BICD2: variants seen among roughly 807,000 people sequenced by gnomAD.
BICD2 encodes the protein protein bicaudal D homolog 2.
A neutral mutation model predicts 72.9 loss-of-function variants in BICD2; 25 were observed. The ratio of observed to expected loss-of-function variants is 0.34; its 90% CI spans 0.25 to 0.48. The LOEUF (loss-of-function observed/expected upper bound fraction) is 0.48, where lower values mean the gene tolerates loss of function less well. BICD2 is among the 20% of genes least tolerant of loss of function. BICD2 has a pLI of 0.99. For synonymous variants in BICD2, 501 were observed against 516.1 expected (o/e 0.97, Z 0.40); for missense variants, 894 against 1,175.2 (o/e 0.76, Z 3.50).
intron 6 of BICD2, among the ~76,000 whole-genome samples, chr9:92,716,188 C>T (rs1436384220): frequency 6.6e-6 from 1 of 152,162 alleles, no homozygotes; most frequent in East Asian, 1.9e-4. Flanking sequence ...ACGCACCCTA[C>T]TCTGCCTGTC....
rs1031701616 is a variant in BICD2, at chr9:92,764,192, C to T, written c.240+313G>A. 6.6e-6 allele frequency among the ~76,000 whole-genome samples: 1 copy of T among 152,024 alleles called. No homozygotes were observed. The highest frequency in any genetic ancestry group is 1.5e-5 in the Non-Finnish European group (1 of 67,966). ...TCAGACACACCCGGAACAGCGACCA[C>T]CGCAAAGCATCAGCCCTTACGAAGC... On this transcript the variant is annotated intron_variant, in intron 1 of 6. Coordinates refer to ENST00000356884, the MANE Select transcript of BICD2 (RefSeq NM_001003800.2). The surrounding 1 kb of genome is among the most constrained non-coding windows in gnomAD (Gnocchi z 5.5).
At position 92,729,239 on chromosome 9, in the gene BICD2, G is replaced by A; in HGVS notation, c.241-3C>T. The A allele has an allele frequency of 6.2e-7, 1 of 1,613,980 alleles. No individual in the cohort carries two copies. The highest frequency in any genetic ancestry group is 8.5e-7 in the Non-Finnish European group (1 of 1,179,978). ...TTTGTGTGTGCTTGTCCAAAGGCCT[G>A]CATCAGAAGACAAGACACTCGTGAG... On this transcript the variant is annotated splice_polypyrimidine_tract_variant and splice_region_variant and intron_variant, in intron 1 of 6. Transcript: ENST00000356884.
intron 6 of BICD2, among the ~76,000 whole-genome samples, chr9:92,715,872 G>A (rs1399588310): frequency 6.6e-6 from 1 of 152,200 alleles, no homozygotes; most frequent in Admixed American, 6.5e-5. Flanking sequence ...AAGACATGGA[G>A]AAGCCATGGC....
At chr9:92,746,278 TC>T (rs1011832730) in intron 1 of BICD2, among the ~76,000 whole-genome samples, 3 of 152,172 alleles carry the variant, frequency 2.0e-5, no homozygotes, top group African/African-American at 7.2e-5. Context: ...ACGCCTGTAA[TC>T]CCAGCACTTT....
rs974397204 is a variant in BICD2 at position 92,720,901 on chromosome 9, G to C, written c.607-146C>G. 2.4e-6 allele frequency: 2 copies of C among 836,700 alleles called. No homozygotes were observed. Among genetic ancestry groups the C allele is most frequent in the Non-Finnish European group, 1.8e-6 (1 of 550,034 alleles). 51.8% of individuals were successfully genotyped at this position (836,700 alleles called of 1,614,324 possible). ...CCAGGTGAGGTGCCATCCTGGGAAG[G>C]GTGGCAGCCCGTCCAGGCCAAGACT... On this transcript the variant is annotated intron_variant, in intron 3 of 6. Coordinates refer to ENST00000356884, the MANE Select transcript of BICD2 (RefSeq NM_001003800.2). The surrounding 1 kb of genome is among the most constrained non-coding windows in gnomAD (Gnocchi z 5.4).
chr9:92,760,832 T>A (rs1244103635), intron 1 of BICD2, among the ~76,000 whole-genome samples: 1 of 152,166 alleles, frequency 6.6e-6, no homozygotes, highest in Non-Finnish European at 1.5e-5. Flanking sequence ...CCAACAGCCT[T>A]CTGTTCAGAA....
intron 6 of BICD2, among the ~76,000 whole-genome samples, chr9:92,717,394 G>C (rs191161871): frequency 6.6e-6 from 1 of 152,254 alleles, no homozygotes; most frequent in Non-Finnish European, 1.5e-5. Flanking sequence ...CAGGCTCCTG[G>C]GGGCTGGGCT....
At chr9:92,719,675 C>T in intron 4 of BICD2, 93 bp from the exon 5 acceptor site, 1 of 1,339,140 alleles carries the variant, frequency 7.5e-7, no homozygotes, top group East Asian at 2.5e-5. Flanking sequence ...CATCCCACCC[C>T]ATGTCAGGGC....
chr9:92,726,976 A>G (rs1853579621), intron 2 of BICD2, among the ~76,000 whole-genome samples: 1 of 152,190 alleles, frequency 6.6e-6, no homozygotes, highest in African/African-American at 2.4e-5. Flanking sequence ...GCACCTGCAC[A>G]CGCTTTTCAG....
At chr9:92,727,217 C>CATCCTTCAGTACTGGA (rs1853584857) in intron 2 of BICD2, among the ~76,000 whole-genome samples, 1 of 152,192 alleles carries the variant, frequency 6.6e-6, no homozygotes, top group Non-Finnish European at 1.5e-5. Context: ...CCGAGGGCAG[C>CATCCTTCAGTACTGGA]ATCCTTCAGT....
At position 92,713,070 on chromosome 9, in the gene BICD2, G is replaced by A. The variant is rs16908498; in HGVS notation, c.*2084C>T. 0.049 allele frequency: 10,348 copies of A among 212,314 alleles called. 1,139 individuals carry two copies. Among genetic ancestry groups the A allele is most frequent in the East Asian group, 0.39 (3,307 of 8,422 alleles). The allele number at this position is 212,314 out of a possible 1,614,324, so 13.2% of individuals were successfully genotyped here. A position where few individuals can be genotyped will look rare whatever the true frequency, so the allele number is the denominator to read the frequency against. ...ACGGCACCTGAGACCGTCTCTACGC[G>A]AGGAATTAAGGAAGCAAATATAATA... On this transcript the variant is annotated 3_prime_UTR_variant, in exon 7 of 7. Transcript: ENST00000356884.
At chr9:92,758,819 A>C (rs965572374) in intron 1 of BICD2, among the ~76,000 whole-genome samples, 35 of 151,360 alleles carry the variant, frequency 2.3e-4, no homozygotes, top group African/African-American at 7.8e-4. Context: ...GCGCCATTGC[A>C]CTCCAGCCTG....
At chr9:92,747,203 C>T (rs1465412800) in intron 1 of BICD2, among the ~76,000 whole-genome samples, 2 of 152,144 alleles carry the variant, frequency 1.3e-5, no homozygotes, top group South Asian at 4.1e-4. Flanking sequence ...AGTATGTCAC[C>T]GGGGGCCAAG....
At chr9:92,745,392 G>A (rs1453837594) in intron 1 of BICD2, among the ~76,000 whole-genome samples, 2 of 151,904 alleles carry the variant, frequency 1.3e-5, no homozygotes, top group African/African-American at 2.4e-5. Context: ...ACGGTGTAGA[G>A]GCAGTGCGGT....
At chr9:92,756,977 A>G (rs1854272088) in intron 1 of BICD2, among the ~76,000 whole-genome samples, 2 of 152,182 alleles carry the variant, frequency 1.3e-5, no homozygotes, top group Admixed American at 1.3e-4. Context: ...AAAATAGAGT[A>G]GCCAGGGCTA....
Position 92,713,397 on chromosome 9 carries a change from G to A in BICD2, c.*1757C>T. On this transcript the variant is annotated 3_prime_UTR_variant, in exon 7 of 7. Coordinates refer to ENST00000356884, the MANE Select transcript of BICD2 (RefSeq NM_001003800.2). ...CTTCCTCCTTGTGGGCCACGAGAGG[G>A]AAGGGGAAGGGGCTGCAGTGTGACA... 6.5e-7 allele frequency: 1 copy of A among 1,544,434 alleles called. No individual in the cohort carries two copies. Among genetic ancestry groups the A allele is most frequent in the Non-Finnish European group, 8.8e-7 (1 of 1,134,228 alleles).
chr9:92,760,559 C>T (rs1854351192), intron 1 of BICD2, among the ~76,000 whole-genome samples: 2 of 152,216 alleles, frequency 1.3e-5, no homozygotes, highest in Admixed American at 1.3e-4. Context: ...CTTCATGACC[C>T]CCTGCCCCAT....
At chr9:92,762,963 CT>C (rs1305000728) in intron 1 of BICD2, among the ~76,000 whole-genome samples, 9 of 152,190 alleles carry the variant, frequency 5.9e-5, no homozygotes, top group African/African-American at 1.9e-4. Flanking sequence ...TCAGAGCCCC[CT>C]GCCTCCCTAT....
At chr9:92,726,690 G>A (rs1853574184) in intron 2 of BICD2, among the ~76,000 whole-genome samples, 2 of 152,230 alleles carry the variant, frequency 1.3e-5, no homozygotes, top group South Asian at 4.1e-4. Flanking sequence ...ACAGTCATGG[G>A]GGACACAGCA....
Sources: gnomAD v4.1 joint callset for allele counts (sites outside exome capture counted in the v4.1 genomes callset) on GRCh38, gnomAD v4.1.1 for gene constraint, Gnocchi (gnomAD v3.1) non-coding constraint, MANE v1.5 for transcripts, NCBI Gene and HGNC (gene_info 2026-07-23, HGNC 2026-07-21) for gene names.